Variants in VSTM2L observed in about 807,000 individuals in gnomAD.
VSTM2L encodes the protein V-set and transmembrane domain-containing protein 2-like protein.
A neutral mutation model predicts 19.9 loss-of-function variants in VSTM2L; 9 were observed. That is an observed-to-expected ratio of 0.45 (90% CI 0.27 to 0.79). The LOEUF (loss-of-function observed/expected upper bound fraction) is 0.79. Among genes scored for constraint, VSTM2L ranks in the 30% least tolerant of loss-of-function variants. The probability of loss-of-function intolerance (pLI) is 0.15; values close to 1 mark genes in which losing one functional copy is unlikely to be tolerated. For synonymous variants in VSTM2L, 127 were observed against 133.8 expected (o/e 0.95, Z 0.35); for missense variants, 286 against 295.5 (o/e 0.97, Z 0.24).
At chr20:37,909,032 TTGAAC>T (rs2072765512) in intron 1 of VSTM2L, among the ~76,000 whole-genome samples, 1 of 152,270 alleles carries the variant, frequency 6.6e-6, no homozygotes, top group Admixed American at 6.5e-5. Flanking sequence ...GAGGCTGGAC[TTGAAC>T]TGAAGAATCT....
intron 1 of VSTM2L, among the ~76,000 whole-genome samples, chr20:37,931,087 C>T (rs1389119764): frequency 6.6e-6 from 1 of 152,152 alleles, no homozygotes; most frequent in African/African-American, 2.4e-5. Context: ...GAGGCGTGTC[C>T]ACAGGACAGG....
chr20:37,916,000 G>A (rs1430360507), intron 1 of VSTM2L, among the ~76,000 whole-genome samples: 2 of 152,156 alleles, frequency 1.3e-5, no homozygotes, highest in Non-Finnish European at 2.9e-5. Flanking sequence ...GTGGCTCTGA[G>A]GCTGCTCCTT....
chr20:37,915,085 C>G (rs1378090039), intron 1 of VSTM2L, among the ~76,000 whole-genome samples: 1 of 152,230 alleles, frequency 6.6e-6, no homozygotes, highest in Non-Finnish European at 1.5e-5. Context: ...AATGGAGGCC[C>G]GGCGGCCAGA....
Position 37,937,184 on chromosome 20 carries a change from G to C in VSTM2L, c.342+3595G>C, listed in dbSNP as rs2072945676. Among the ~76,000 whole-genome samples, 5 of 152,282 alleles carry C rather than the reference G, an allele frequency of 3.3e-5. No homozygotes were observed. In the South Asian group the frequency reaches 1.0e-3, roughly 32 times the overall value. ...TGCAGTGAGCCGAGATCGCACCACT[G>C]CTCTCATAAGGAGATCATTTACGTG... On this transcript the variant is annotated intron_variant, in intron 3 of 3. Coordinates refer to ENST00000373461, the MANE Select transcript of VSTM2L (RefSeq NM_080607.3).
intron 3 of VSTM2L, among the ~76,000 whole-genome samples, chr20:37,940,500 C>T (rs1231877708): frequency 3.3e-5 from 5 of 152,234 alleles, no homozygotes; most frequent in Admixed American, 6.5e-5. Flanking sequence ...TCCCTGTGGC[C>T]CTGCCAGCAC....
chr20:37,917,478 G>A (rs1366665333), intron 1 of VSTM2L, among the ~76,000 whole-genome samples: 1 of 152,244 alleles, frequency 6.6e-6, no homozygotes, highest in Non-Finnish European at 1.5e-5. Flanking sequence ...AACAGCGGTT[G>A]TTGTGGACCT....
chr20:37,926,220 C>G (rs2072878499), intron 1 of VSTM2L, among the ~76,000 whole-genome samples: 1 of 152,180 alleles, frequency 6.6e-6, no homozygotes, highest in African/African-American at 2.4e-5. Context: ...TGCCACCACA[C>G]CTGGCTAATT....
intron 1 of VSTM2L, among the ~76,000 whole-genome samples, chr20:37,930,522 C>T (rs771809332): frequency 3.3e-5 from 5 of 152,090 alleles, no homozygotes; most frequent in South Asian, 2.1e-4. Flanking sequence ...CTTTCCAGGG[C>T]GATAATCTCT....
chr20:37,917,513 G>A (rs1172761441), intron 1 of VSTM2L, among the ~76,000 whole-genome samples: 2 of 152,252 alleles, frequency 1.3e-5, no homozygotes, highest in South Asian at 2.1e-4. Context: ...ACTGAAACAG[G>A]CTCTTCACTT....
At chr20:37,939,083 A>G (rs2072956877) in intron 3 of VSTM2L, among the ~76,000 whole-genome samples, 1 of 152,130 alleles carries the variant, frequency 6.6e-6, no homozygotes, top group Non-Finnish European at 1.5e-5. Flanking sequence ...CACCTGCATC[A>G]TAGGGTTATT....
chr20:37,914,538 C>T (rs2072805981), intron 1 of VSTM2L, among the ~76,000 whole-genome samples: 1 of 149,610 alleles, frequency 6.7e-6, no homozygotes, highest in Admixed American at 6.7e-5. Flanking sequence ...GGCCTCCTTT[C>T]TAGTCCTTGC....
intron 3 of VSTM2L, among the ~76,000 whole-genome samples, chr20:37,942,120 A>G (rs1301843099): frequency 6.6e-6 from 1 of 152,226 alleles, no homozygotes; most frequent in Non-Finnish European, 1.5e-5. Context: ...ATAAATGTCC[A>G]TCGACGGTGA....
At chr20:37,903,744 G>A (rs2072735606) in intron 1 of VSTM2L, among the ~76,000 whole-genome samples, 2 of 152,198 alleles carry the variant, frequency 1.3e-5, no homozygotes, top group African/African-American at 4.8e-5. Context: ...CACACTCAGA[G>A]CCACAGTCGC....
intron 2 of VSTM2L, 45 bp from the exon 3 acceptor site, chr20:37,933,494 T>G (rs2072922606): frequency 6.1e-6 from 8 of 1,312,900 alleles, no homozygotes; most frequent in East Asian, 2.7e-5. Flanking sequence ...CACCCTGTGC[T>G]AACACCTTGT....
At chr20:37,937,486 A>G (rs6097000) in intron 3 of VSTM2L, among the ~76,000 whole-genome samples, 23,979 of 152,138 alleles carry the variant, frequency 0.16, 2,297 homozygotes, top group African/African-American at 0.26. Flanking sequence ...CTTTCGATCT[A>G]ACTAAAGTCA....
At chr20:37,903,683 T>G (rs2072735075) in intron 1 of VSTM2L, among the ~76,000 whole-genome samples, 1 of 151,868 alleles carries the variant, frequency 6.6e-6, no homozygotes, top group Non-Finnish European at 1.5e-5. Context: ...CCCCACACAC[T>G]CGCGCGGATA....
intron 1 of VSTM2L, among the ~76,000 whole-genome samples, chr20:37,929,429 C>T (rs931690697): frequency 1.8e-4 from 27 of 152,142 alleles, no homozygotes; most frequent in Admixed American, 9.8e-4. Context: ...CAGCCTTGAC[C>T]TCCTGGGCAC....
intron 1 of VSTM2L, among the ~76,000 whole-genome samples, chr20:37,911,257 A>AAAAAAAAG (rs1555839035): frequency 7.6e-6 from 1 of 131,638 alleles, no homozygotes; most frequent in African/African-American, 3.4e-5. Context: ...AAAAAAAAAA[A>AAAAAAAAG]AAGCTGGGAT....
At chr20:37,939,439 AAG>A (rs1296318132) in intron 3 of VSTM2L, among the ~76,000 whole-genome samples, 2 of 152,154 alleles carry the variant, frequency 1.3e-5, no homozygotes, top group African/African-American at 4.8e-5. Flanking sequence ...AAAAGAAAGA[AAG>A]AACGAAAGAA....
Sources: allele counts gnomAD v4.1 joint callset (sites outside exome capture counted in the v4.1 genomes callset), GRCh38; gene constraint gnomAD v4.1.1; transcripts MANE v1.5; gene names NCBI Gene and HGNC (gene_info 2026-07-23, HGNC 2026-07-21).